SLC44A5: variants seen among roughly 807,000 people sequenced by gnomAD.
SLC44A5 encodes solute carrier family 44 member 5, also known as choline transporter-like protein 5.
SLC44A5 carries 57 observed loss-of-function variants against 101.8 expected under a neutral mutation model. The observed-to-expected ratio is 0.56, with a 90% CI of 0.45 to 0.70. SLC44A5 has a LOEUF of 0.70. SLC44A5 is among the 30% of genes least tolerant of loss of function. The pLI, the probability that SLC44A5 is intolerant of heterozygous loss-of-function variation, is 0.00. For synonymous variants in SLC44A5, 281 were observed against 290.9 expected (o/e 0.97, Z 0.35); for missense variants, 737 against 853.1 (o/e 0.86, Z 1.70).
At chr1:75,205,278 T>C (rs1285364505) in intron 23 of SLC44A5, 1 of 152,234 alleles carries the variant, frequency 6.6e-6, no homozygotes, top group Non-Finnish European at 1.5e-5. Flanking sequence ...TTCTGACTCT[T>C]TTCTTGGATA....
At chr1:75,438,784 A>C (rs1665029195) in intron 2 of SLC44A5, among the ~76,000 whole-genome samples, 1 of 152,114 alleles carries the variant, frequency 6.6e-6, no homozygotes, top group African/African-American at 2.4e-5. Context: ...GGTATAACAA[A>C]TATAAACTTT....
At chr1:75,558,683 C>A (rs912089657) in intron 1 of SLC44A5, among the ~76,000 whole-genome samples, 1 of 151,932 alleles carries the variant, frequency 6.6e-6, no homozygotes, top group African/African-American at 2.4e-5. Flanking sequence ...AACAACTTTG[C>A]GATATTTTGA....
intron 2 of SLC44A5, among the ~76,000 whole-genome samples, chr1:75,463,812 A>C (rs1176803352): frequency 1.3e-5 from 2 of 152,342 alleles, no homozygotes; most frequent in East Asian, 3.9e-4. Context: ...AAAACACAGA[A>C]TATTACAACA....
At chr1:75,312,028 G>A (rs750348283) in intron 4 of SLC44A5, among the ~76,000 whole-genome samples, 2 of 152,116 alleles carry the variant, frequency 1.3e-5, no homozygotes, top group African/African-American at 4.8e-5. Context: ...ATGTTGATGA[G>A]GGGGGCTGGT....
chr1:75,328,545 C>T (rs941983682), intron 4 of SLC44A5, among the ~76,000 whole-genome samples: 1 of 152,096 alleles, frequency 6.6e-6, no homozygotes, highest in Non-Finnish European at 1.5e-5. Flanking sequence ...CCCCTATGCC[C>T]CCAGCTGCCA....
chr1:75,417,122 A>G (rs1366801533), intron 2 of SLC44A5, among the ~76,000 whole-genome samples: 2 of 152,176 alleles, frequency 1.3e-5, no homozygotes, highest in Non-Finnish European at 2.9e-5. Flanking sequence ...CTCTAATCTC[A>G]TCTTGTAGCT....
chr1:75,572,773 A>G (rs1444239736), intron 1 of SLC44A5, among the ~76,000 whole-genome samples: 1 of 152,112 alleles, frequency 6.6e-6, no homozygotes, highest in African/African-American at 2.4e-5. Context: ...ATATGTGGAA[A>G]AAGAGGAATG....
chr1:75,258,594 G>C (rs1035604896), intron 6 of SLC44A5, among the ~76,000 whole-genome samples: 1 of 152,110 alleles, frequency 6.6e-6, no homozygotes, highest in Non-Finnish European at 1.5e-5. Flanking sequence ...GCGGTCGGGG[G>C]TCCAGCTTCA....
chr1:75,272,001 G>A (rs1372957356), intron 6 of SLC44A5, among the ~76,000 whole-genome samples: 1 of 151,740 alleles, frequency 6.6e-6, no homozygotes. Context: ...TTTTAATTAT[G>A]GCCATTCTTG....
At chr1:75,337,574 G>A (rs1657542752) in intron 4 of SLC44A5, among the ~76,000 whole-genome samples, 1 of 152,084 alleles carries the variant, frequency 6.6e-6, no homozygotes. Context: ...TGAATATCAG[G>A]GAGAAATCTT....
rs566941710 is a variant in SLC44A5, at chr1:75,478,949, T to A, written c.13+62486A>T. ...CCACCCCAAATCAACAGAATATACA[T>A]TTGTTTCAGCACCACACCACACCTA... On this transcript the variant is annotated intron_variant, in intron 2 of 23. Transcript: ENST00000370859. Among the ~76,000 whole-genome samples the A allele has an allele frequency of 2.6e-5, 4 of 152,210 alleles. No individual in the cohort carries two copies. In the East Asian group the frequency reaches 7.7e-4, roughly 29 times the overall value.
At chr1:75,573,052 G>A (rs1483863407) in intron 1 of SLC44A5, among the ~76,000 whole-genome samples, 2 of 149,186 alleles carry the variant, frequency 1.3e-5, no homozygotes, top group Non-Finnish European at 3.0e-5. Context: ...AAACCCGGGA[G>A]GCGGAGGTTG....
At chr1:75,662,596 C>T in the SLC44A5 span, among the ~76,000 whole-genome samples, 1 of 152,042 alleles carries the variant, frequency 6.6e-6, no homozygotes, top group Non-Finnish European at 1.5e-5. Context: ...ATATTGTATG[C>T]ATGTATCAAA....
the SLC44A5 span, among the ~76,000 whole-genome samples, chr1:75,667,152 C>A: frequency 2.3e-4 from 35 of 152,136 alleles, no homozygotes; most frequent in African/African-American, 8.4e-4. Flanking sequence ...TCTCTGTTTG[C>A]AGATGACATG....
At chr1:75,549,157 C>T (rs1049973753) in intron 1 of SLC44A5, among the ~76,000 whole-genome samples, 1 of 152,058 alleles carries the variant, frequency 6.6e-6, no homozygotes, top group African/African-American at 2.4e-5. Flanking sequence ...TTTGCTTTGA[C>T]TCTTTGACCA....
At chr1:75,632,459 G>A in the SLC44A5 span, among the ~76,000 whole-genome samples, 9 of 151,984 alleles carry the variant, frequency 5.9e-5, no homozygotes, top group Admixed American at 5.9e-4. Flanking sequence ...GTTAGAGCAA[G>A]AGAGAACTTT....
chr1:75,612,170 GAA>G (rs537250716), upstream of SLC44A5, among the ~76,000 whole-genome samples: 98 of 152,196 alleles, frequency 6.4e-4, 2 homozygotes, highest in East Asian at 0.018. Flanking sequence ...GGACCTTTTA[GAA>G]AAGTGAAGTC....
the SLC44A5 span, among the ~76,000 whole-genome samples, chr1:75,699,108 A>G: frequency 6.6e-6 from 1 of 152,176 alleles, no homozygotes; most frequent in Non-Finnish European, 1.5e-5. Context: ...AACTTCCCCA[A>G]TCTAGCAAGG....
rs563655902 is a variant in SLC44A5, at chr1:75,250,426, A to G, written c.345+784T>C. 2.9e-4 allele frequency among the ~76,000 whole-genome samples: 44 copies of G among 152,216 alleles called. No individual in the cohort carries two copies. In the South Asian group the frequency reaches 8.7e-3, roughly 30 times the overall value. ...ATTGATGGGCATTTAGATTGATTCC[A>G]TATCTTTGCTATTGTGAATAGTGCT... On this transcript the variant is annotated intron_variant, in intron 7 of 23. Coordinates refer to ENST00000370859, the MANE Select transcript of SLC44A5 (RefSeq NM_001130058.2).
Sources: gnomAD v4.1 joint callset for allele counts (sites outside exome capture counted in the v4.1 genomes callset) on GRCh38, gnomAD v4.1.1 for gene constraint, MANE v1.5 for transcripts, NCBI Gene and HGNC (gene_info 2026-07-23, HGNC 2026-07-21) for gene names.